The following SLCO6A1 variants were observed in gnomAD, a reference collection of about 807,000 sequenced individuals.
SLCO6A1 encodes the protein cancer/testis antigen 48.
SLCO6A1 carries 65 observed loss-of-function variants against 72.7 expected under a neutral mutation model. That is an observed-to-expected ratio of 0.89 (90% CI 0.73 to 1.10). The LOEUF is 1.10. Ranked by LOEUF, SLCO6A1 falls within the 50% of genes least tolerant of loss-of-function variation. SLCO6A1 has a pLI of 0.00. For missense variants in SLCO6A1, 874 were observed against 872.6 expected (o/e 1.00, Z -0.02); for synonymous variants, 314 against 298.2 (o/e 1.05, Z -0.55).
At chr5:102,391,472 T>C (rs1280273568) in intron 10 of SLCO6A1, among the ~76,000 whole-genome samples, 5 of 152,160 alleles carry the variant, frequency 3.3e-5, no homozygotes, top group African/African-American at 7.2e-5. Flanking sequence ...AAATGGACTA[T>C]ATCAATGGGC....
At chr5:102,415,670 C>G (rs959560752) in intron 8 of SLCO6A1, among the ~76,000 whole-genome samples, 2 of 151,944 alleles carry the variant, frequency 1.3e-5, no homozygotes, top group Non-Finnish European at 2.9e-5. Flanking sequence ...TGATTGATAC[C>G]TCAAAAGCAC....
intron 3 of SLCO6A1, among the ~76,000 whole-genome samples, chr5:102,476,133 A>G (rs967469686): frequency 3.9e-5 from 6 of 152,064 alleles, no homozygotes; most frequent in African/African-American, 1.4e-4. Flanking sequence ...TGGGTGCACC[A>G]AAATCTCATA....
At chr5:102,457,944 C>G (rs1327999068) in intron 6 of SLCO6A1, among the ~76,000 whole-genome samples, 1 of 152,102 alleles carries the variant, frequency 6.6e-6, no homozygotes, top group Admixed American at 6.6e-5. Context: ...AGTCCATGTC[C>G]TTTGTAGGGA....
At chr5:102,392,098 C>G (rs969976803) in intron 10 of SLCO6A1, among the ~76,000 whole-genome samples, 1 of 151,872 alleles carries the variant, frequency 6.6e-6, no homozygotes, top group East Asian at 1.9e-4. Context: ...ATATTATGAC[C>G]AATATTTCAT....
intron 12 of SLCO6A1, among the ~76,000 whole-genome samples, chr5:102,385,816 C>T: frequency 7.4e-6 from 1 of 135,332 alleles, no homozygotes; most frequent in East Asian, 2.1e-4. Flanking sequence ...CCATTTTTCT[C>T]CTGTTTTTCC....
intron 1 of SLCO6A1, among the ~76,000 whole-genome samples, chr5:102,486,810 A>G (rs1418431460): frequency 6.6e-6 from 1 of 152,174 alleles, no homozygotes; most frequent in Admixed American, 6.5e-5. Context: ...AAATATCGTT[A>G]CAGAAATAAA....
intron 7 of SLCO6A1, among the ~76,000 whole-genome samples, chr5:102,433,348 T>C (rs1376873573): frequency 6.6e-6 from 1 of 152,194 alleles, no homozygotes; most frequent in Non-Finnish European, 1.5e-5. Context: ...TTATGGCCTT[T>C]TGAATTGTCA....
intron 4 of SLCO6A1, among the ~76,000 whole-genome samples, chr5:102,467,906 C>T (rs1411518425): frequency 6.6e-6 from 1 of 151,890 alleles, no homozygotes; most frequent in Non-Finnish European, 1.5e-5. Flanking sequence ...TCTCCAGTTC[C>T]TTGAGGTGTG....
intron 12 of SLCO6A1, among the ~76,000 whole-genome samples, chr5:102,387,859 T>C (rs1746502238): frequency 6.6e-6 from 1 of 152,154 alleles, no homozygotes; most frequent in Non-Finnish European, 1.5e-5. Flanking sequence ...AACAGATGAA[T>C]AAATTATTAT....
chr5:102,491,393 C>T (rs988575669), intron 1 of SLCO6A1, among the ~76,000 whole-genome samples: 3 of 152,266 alleles, frequency 2.0e-5, no homozygotes, highest in Non-Finnish European at 4.4e-5. Flanking sequence ...TGCACCCGCA[C>T]TCCTCAGCCC....
chr5:102,375,683 T>C (rs1165714525), intron 12 of SLCO6A1, among the ~76,000 whole-genome samples: 1 of 152,006 alleles, frequency 6.6e-6, no homozygotes, highest in African/African-American at 2.4e-5. Flanking sequence ...ACAGGGTGCA[T>C]GAAGAAATGA....
intron 13 of SLCO6A1, among the ~76,000 whole-genome samples, chr5:102,372,394 GA>G (rs1350996833): frequency 6.6e-6 from 1 of 151,790 alleles, no homozygotes; most frequent in African/African-American, 2.4e-5. Flanking sequence ...AGAAAACAAA[GA>G]AACATTGTAG....
chr5:102,401,474 T>C (rs1165599102), intron 9 of SLCO6A1, among the ~76,000 whole-genome samples: 1 of 152,136 alleles, frequency 6.6e-6, no homozygotes, highest in African/African-American at 2.4e-5. Flanking sequence ...TTTTGAAATA[T>C]GTAGGCAAGG....
chr5:102,486,411 T>G (rs1163010426), intron 1 of SLCO6A1, among the ~76,000 whole-genome samples: 2 of 152,156 alleles, frequency 1.3e-5, no homozygotes, highest in African/African-American at 4.8e-5. Flanking sequence ...AGTATGGTGA[T>G]TCATTCATTG....
chr5:102,395,438 C>G (rs1580348439), intron 10 of SLCO6A1, among the ~76,000 whole-genome samples: 1 of 152,216 alleles, frequency 6.6e-6, no homozygotes, highest in East Asian at 1.9e-4. Context: ...TCCAGTCTAT[C>G]ATTGTTGAAC....
chr5:102,424,665 G>A lies in SLCO6A1; in HGVS notation c.1277-4644C>T, dbSNP rs908513314. Among the ~76,000 whole-genome samples the A allele has an allele frequency of 5.9e-5, 9 of 152,244 alleles. No individual in the cohort carries two copies. The South Asian group carries it at 6.2e-4, about 11-fold the overall frequency. On this transcript the variant is annotated intron_variant, in intron 7 of 13. Coordinates refer to ENST00000506729, the MANE Select transcript of SLCO6A1 (RefSeq NM_173488.5). ...ATGAAAAAAAGCCCAGGATCAGATG[G>A]ATCGACAGCCAAATTCTACAAGAGG...
chr5:102,374,589 G>C (rs1561407345), intron 12 of SLCO6A1, among the ~76,000 whole-genome samples: 1 of 152,034 alleles, frequency 6.6e-6, no homozygotes, highest in East Asian at 1.9e-4. Context: ...TCAATTATCT[G>C]ACATAATGGT....
chr5:102,467,320 G>C (rs185292617), intron 4 of SLCO6A1, among the ~76,000 whole-genome samples: 284 of 152,132 alleles, frequency 1.9e-3, no homozygotes, highest in African/African-American at 6.5e-3. Flanking sequence ...TCCAGAGGTG[G>C]GAGGATCACC....
At chr5:102,420,487 A>G (rs992251459) in intron 7 of SLCO6A1, among the ~76,000 whole-genome samples, 1 of 152,186 alleles carries the variant, frequency 6.6e-6, no homozygotes, top group African/African-American at 2.4e-5. Flanking sequence ...TAATAATCTC[A>G]CAACAAAGTG....
Sources: allele counts gnomAD v4.1 joint callset (sites outside exome capture counted in the v4.1 genomes callset), GRCh38; gene constraint gnomAD v4.1.1; transcripts MANE v1.5; gene names NCBI Gene and HGNC (gene_info 2026-07-23, HGNC 2026-07-21).